NEUROD2: variants seen among roughly 807,000 people sequenced by gnomAD.
NEUROD2 encodes neurogenic differentiation factor 2.
In NEUROD2, 5 loss-of-function variants were observed where a neutral mutation model predicts 9.3. That is an observed-to-expected ratio of 0.54 (90% CI 0.28 to 1.13). The LOEUF is 1.13. Ranked by LOEUF, NEUROD2 falls within the 50% of genes most tolerant of loss-of-function variation. The pLI, the probability that NEUROD2 is intolerant of heterozygous loss-of-function variation, is 0.10. For missense variants in NEUROD2, 376 were observed against 549.2 expected (o/e 0.68, Z 3.15); for synonymous variants, 277 against 257.3 (o/e 1.08, Z -0.73).
rs1180933484 is a variant in NEUROD2, at chr17:39,604,105, C to T, written c.*1346G>A. The T allele has an allele frequency of 2.6e-5, 4 of 152,792 alleles. No individual in the cohort carries two copies. Among genetic ancestry groups the T allele is most frequent in the Non-Finnish European group, 5.9e-5 (4 of 68,114 alleles). 9.5% of individuals were successfully genotyped at this position (152,792 alleles called of 1,614,324 possible). A position where few individuals can be genotyped will look rare whatever the true frequency, so the allele number is the denominator to read the frequency against. On this transcript the variant is annotated 3_prime_UTR_variant, in exon 2 of 2. Coordinates refer to ENST00000302584, the MANE Select transcript of NEUROD2 (RefSeq NM_006160.4). ...GACCAAAAAATACTCTCTCCAGACACCGGAAATCGCCAGGTGGCACCCACC... is the reference window on the plus strand; with the variant it reads ...GACCAAAAAATACTCTCTCCAGACATCGGAAATCGCCAGGTGGCACCCACC...
At position 39,606,625 on chromosome 17, in the gene NEUROD2, G is replaced by A. The variant is rs1450850975; in HGVS notation, c.-5-21C>T. The A allele has an allele frequency of 6.5e-7, 1 of 1,526,866 alleles. No individual in the cohort carries two copies. Among genetic ancestry groups the A allele is most frequent in the East Asian group, 2.5e-5 (1 of 39,830 alleles). 94.6% of individuals were successfully genotyped at this position (1,526,866 alleles called of 1,614,324 possible). A position where few individuals can be genotyped will look rare whatever the true frequency, so the allele number is the denominator to read the frequency against. On this transcript the variant is annotated intron_variant, in intron 1 of 1. Transcript: ENST00000302584. This position sits in a 1 kb window ranked among gnomAD's most constrained non-coding sequence, Gnocchi z 7.8. The stretch of plus-strand genomic sequence containing the variant: ...GGTGCCTGAGGGCGCCCCGCGGGCG[G>A]GAAGGGGAGACAGACAGCACAAAGT...
chr17:39,607,704 CTCGCTCCCTT>C lies in NEUROD2; in HGVS notation c.-6+14_-6+23del, dbSNP rs2056775614. ...CCTCCTCCCAACCGGCGGGTCAGAT[CTCGCTCCCTT>C]TCGGACAACTTACCTCGGAGAGGAG... On this transcript the variant is annotated intron_variant, in intron 1 of 1. Coordinates refer to ENST00000302584, the MANE Select transcript of NEUROD2 (RefSeq NM_006160.4). 1.0e-6 allele frequency: 1 copy of C among 959,536 alleles called. No homozygotes were observed. Among genetic ancestry groups the C allele is most frequent in the African/African-American group, 1.8e-5 (1 of 56,588 alleles). The allele number at this position is 959,536 out of a possible 1,614,324, so 59.4% of individuals were successfully genotyped here. A position where few individuals can be genotyped will look rare whatever the true frequency, so the allele number is the denominator to read the frequency against.
At position 39,604,569 on chromosome 17, in the gene NEUROD2, G is replaced by C. The variant is rs2056758229; in HGVS notation, c.*882C>G. 1 of 151,946 alleles carries C rather than the reference G, an allele frequency of 6.6e-6. No individual in the cohort carries two copies. The highest frequency in any genetic ancestry group is 1.5e-5 in the Non-Finnish European group (1 of 67,954). The allele number at this position is 151,946 out of a possible 1,614,324, so 9.4% of individuals were successfully genotyped here. A position where few individuals can be genotyped will look rare whatever the true frequency, so the allele number is the denominator to read the frequency against. On this transcript the variant is annotated 3_prime_UTR_variant, in exon 2 of 2. Transcript: ENST00000302584. ...GGCCGGGCGGGGCATCCCGGGGCCG[G>C]GCCGGGCCGCGAGGCTCAGTGGAGC... is the stretch of plus-strand genomic sequence containing the variant.
At position 39,605,348 on chromosome 17, in the gene NEUROD2, G is replaced by A. The variant is rs903186815; in HGVS notation, c.*103C>T. ...CGGCAGGACCGGTGGCCCGCTCCCC[G>A]CGCCCGGCGCCGGGGTAGGATGGGG... is the stretch of plus-strand genomic sequence containing the variant. On this transcript the variant is annotated 3_prime_UTR_variant, in exon 2 of 2. Transcript: ENST00000302584. The surrounding 1 kb of genome is among the most constrained non-coding windows in gnomAD (Gnocchi z 6.8). The A allele has an allele frequency of 2.1e-6, 3 of 1,414,312 alleles. No homozygotes were observed. Among genetic ancestry groups the A allele is most frequent in the African/African-American group, 2.9e-5 (2 of 67,916 alleles). 87.6% of individuals were successfully genotyped at this position (1,414,312 alleles called of 1,614,324 possible).
In NEUROD2 at chr17:39,606,595, A is replaced by G. The variant is rs775692960; in HGVS notation, c.5T>C (p.Leu2Pro). 2 of 1,568,630 alleles carry G rather than the reference A, an allele frequency of 1.3e-6. No individual in the cohort carries two copies. The highest frequency in any genetic ancestry group is 1.1e-5 in the South Asian group (1 of 87,640). MLTRLFSEPGLL... is the reference protein window; with the variant it reads MPTRLFSEPGLL... The stretch of plus-strand genomic sequence containing the variant: ...GCCGGGCTCGCTGAACAGGCGGGTC[A>G]GCATGGTGCCTGAGGGCGCCCCGCG... Residue 2 changes from leucine (L) to proline (P), a missense_variant, in exon 2 of 2, where the codon CTG becomes CCG. Around this residue, in one of 3 missense-constraint regions of NEUROD2, gnomAD observed 134 missense variants for 133.6 expected, o/e 1.00. Coordinates refer to ENST00000302584, the MANE Select transcript of NEUROD2 (RefSeq NM_006160.4). The surrounding 1 kb of genome is among the most constrained non-coding windows in gnomAD (Gnocchi z 7.8).
rs2056761717 is a variant in NEUROD2, at chr17:39,605,077, C to T, written c.*374G>A. 1 of 176,334 alleles carries T rather than the reference C, an allele frequency of 5.7e-6. No individual in the cohort carries two copies. Among genetic ancestry groups the T allele is most frequent in the Non-Finnish European group, 1.2e-5 (1 of 84,576 alleles). The allele number at this position is 176,334 out of a possible 1,614,324, so 10.9% of individuals were successfully genotyped here. On this transcript the variant is annotated 3_prime_UTR_variant, in exon 2 of 2. Transcript: ENST00000302584. This position sits in a 1 kb window ranked among gnomAD's most constrained non-coding sequence, Gnocchi z 6.8. The stretch of plus-strand genomic sequence containing the variant: ...AGAGGGGGAAACGCGTTCCATTGCT[C>T]AGCTGCCCCCTTACCAACGCCTTGG...
chr17:39,605,954 G>T lies in NEUROD2; in HGVS notation c.646C>A (p.Leu216Ile). ...GCACCGTCGGCGCCTTGCTCCGTGA[G>T]GAAGTTGCGAGAGTTGAGCTGCAGA... is the stretch of plus-strand genomic sequence containing the variant. ...GCLQLNSRNF[L>I]TEQGADGAGR... Residue 216 changes from leucine (L) to isoleucine (I), a missense_variant, in exon 2 of 2, where the codon CTC (leucine) becomes ATC (isoleucine). Around this residue, in one of 3 missense-constraint regions of NEUROD2, gnomAD observed 193 missense variants for 255.8 expected, o/e 0.75. Transcript: ENST00000302584. The surrounding 1 kb of genome is among the most constrained non-coding windows in gnomAD (Gnocchi z 6.8). 2.5e-6 allele frequency: 4 copies of T among 1,613,246 alleles called. No individual in the cohort carries two copies. Among genetic ancestry groups the T allele is most frequent in the Non-Finnish European group, 3.4e-6 (4 of 1,179,938 alleles).
Position 39,606,489 on chromosome 17 carries a change from C to T in NEUROD2, c.111G>A (p.Pro37=), listed in dbSNP as rs750277493. ...DEPRSDKGDA[P]PPPPPAPGPG... is the part of the protein sequence containing the mutation. ...GCCCGGGCGCAGGCGGTGGCGGTGG[C>T]GGCGCGTCGCCCTTGTCGCTCCTCG... Residue 37 remains proline, a synonymous_variant, in exon 2 of 2, where the codon CCG becomes CCA. Coordinates refer to ENST00000302584, the MANE Select transcript of NEUROD2 (RefSeq NM_006160.4). This position sits in a 1 kb window ranked among gnomAD's most constrained non-coding sequence, Gnocchi z 7.8. 7.1e-6 allele frequency: 11 copies of T among 1,539,624 alleles called. No individual in the cohort carries two copies. The highest frequency in any genetic ancestry group is 2.8e-5 in the African/African-American group (2 of 72,536).
Position 39,605,209 on chromosome 17 carries a change from T to G in NEUROD2, c.*242A>C. The G allele has an allele frequency of 2.1e-5, 9 of 429,486 alleles. No individual in the cohort carries two copies. The highest frequency in any genetic ancestry group is 3.9e-5 in the East Asian group (1 of 25,792). 26.6% of individuals were successfully genotyped at this position (429,486 alleles called of 1,614,324 possible). ...GAGAGGTCCCTGGAGAAGCACTCCT[T>G]GGGAGAGAGGAGGAGGGAACCCCTT... On this transcript the variant is annotated 3_prime_UTR_variant, in exon 2 of 2. Coordinates refer to ENST00000302584, the MANE Select transcript of NEUROD2 (RefSeq NM_006160.4). This position sits in a 1 kb window ranked among gnomAD's most constrained non-coding sequence, Gnocchi z 6.8.
At position 39,606,775 on chromosome 17, in the gene NEUROD2, A is replaced by G. The variant is rs2056770873; in HGVS notation, c.-5-171T>C. 1.5e-6 allele frequency: 1 copy of G among 655,228 alleles called. No individual in the cohort carries two copies. The allele number at this position is 655,228 out of a possible 1,614,324, so 40.6% of individuals were successfully genotyped here. A position where few individuals can be genotyped will look rare whatever the true frequency, so the allele number is the denominator to read the frequency against. On this transcript the variant is annotated intron_variant, in intron 1 of 1. Transcript: ENST00000302584. This position sits in a 1 kb window ranked among gnomAD's most constrained non-coding sequence, Gnocchi z 7.8. ...CGCCTGCCCCGCCCAGAGCCGGCCC[A>G]GCCCTACCCGGCTGCCGGCCTGGGA...
Position 39,606,758 on chromosome 17 carries a change from C to T in NEUROD2, c.-5-154G>A. 2.6e-6 allele frequency: 2 copies of T among 771,608 alleles called. No individual in the cohort carries two copies. Among genetic ancestry groups the T allele is most frequent in the East Asian group, 3.3e-5 (1 of 30,732 alleles). The allele number at this position is 771,608 out of a possible 1,614,324, so 47.8% of individuals were successfully genotyped here. A position where few individuals can be genotyped will look rare whatever the true frequency, so the allele number is the denominator to read the frequency against. On this transcript the variant is annotated intron_variant, in intron 1 of 1. Transcript: ENST00000302584. This position sits in a 1 kb window ranked among gnomAD's most constrained non-coding sequence, Gnocchi z 7.8. ...TGGATGCCCACCTCCGCCGCCTGCCCCGCCCAGAGCCGGCCCAGCCCTACC... is the reference window on the plus strand; with the variant it reads ...TGGATGCCCACCTCCGCCGCCTGCCTCGCCCAGAGCCGGCCCAGCCCTACC...
At chr17:39,607,542 ACCT>A (rs2056774821) in intron 1 of NEUROD2, 183 bp downstream of exon 1, 14 of 906,710 alleles carry the variant, frequency 1.5e-5, no homozygotes, top group African/African-American at 1.8e-5. Flanking sequence ...AGGCAGAGAC[ACCT>A]CCTCTGCAGC....
Position 39,605,842 on chromosome 17 carries a change from G to A in NEUROD2, c.758C>T (p.Ala253Val), listed in dbSNP as rs770550795. The change falls in exon 2 of 2, where the codon GCG (alanine) becomes GTG (valine). Residue 253 changes from alanine to valine, a missense_variant. Transcript: ENST00000302584. The surrounding 1 kb of genome is among the most constrained non-coding windows in gnomAD (Gnocchi z 6.8). ...CSRLAGAQCQAAGGLGGGAAH... is the reference protein window; with the variant it reads ...CSRLAGAQCQVAGGLGGGAAH... ...CGCGCCGCCGCCCAGGCCGCCGGCC[G>A]CCTGGCACTGTGCGCCCGCCAGGCG... 10 of 1,460,520 alleles carry A rather than the reference G, an allele frequency of 6.8e-6. No individual in the cohort carries two copies. The highest frequency in any genetic ancestry group is 2.7e-5 in the Admixed American group (1 of 37,252). The allele number at this position is 1,460,520 out of a possible 1,614,324, so 90.5% of individuals were successfully genotyped here.
Position 39,605,718 on chromosome 17 carries a change from C to T in NEUROD2, c.882G>A (p.Glu294=), listed in dbSNP as rs2056765052. The T allele has an allele frequency of 9.4e-6, 15 of 1,598,266 alleles. No homozygotes were observed. Among genetic ancestry groups the T allele is most frequent in the Non-Finnish European group, 1.3e-5 (15 of 1,173,072 alleles). The change falls in exon 2 of 2, where the codon GAG becomes GAA. Residue 294 remains glutamate, a synonymous_variant. Transcript: ENST00000302584. The surrounding 1 kb of genome is among the most constrained non-coding windows in gnomAD (Gnocchi z 6.8). ...GCGGGGGGCTGAGCGGGCCCTCGTA[C>T]TCGGAGCTGTTGTAGTCCGGGCTCG... ...GGASPDYNSS[E]YEGPLSPPLC...
In NEUROD2 at chr17:39,606,696, C is replaced by G; in HGVS notation, c.-5-92G>C. ...GACGCCCCCCCACAACCCTCCTCCACCCCCGAGTCTCGTGCGGGCTCCTGC... is the reference window on the plus strand; with the variant it reads ...GACGCCCCCCCACAACCCTCCTCCAGCCCCGAGTCTCGTGCGGGCTCCTGC... On this transcript the variant is annotated intron_variant, in intron 1 of 1. Transcript: ENST00000302584. The surrounding 1 kb of genome is among the most constrained non-coding windows in gnomAD (Gnocchi z 7.8). The G allele has an allele frequency of 4.6e-6, 6 of 1,308,102 alleles. No individual in the cohort carries two copies. The highest frequency in any genetic ancestry group is 6.0e-6 in the Non-Finnish European group (6 of 995,384). 81.0% of individuals were successfully genotyped at this position (1,308,102 alleles called of 1,614,324 possible).
rs760555469 is a variant in NEUROD2, at chr17:39,606,630, G to C, written c.-5-26C>G. The C allele has an allele frequency of 6.6e-7, 1 of 1,523,240 alleles. No individual in the cohort carries two copies. The highest frequency in any genetic ancestry group is 1.2e-5 in the South Asian group (1 of 82,214). 94.4% of individuals were successfully genotyped at this position (1,523,240 alleles called of 1,614,324 possible). On this transcript the variant is annotated intron_variant, in intron 1 of 1. Transcript: ENST00000302584. This position sits in a 1 kb window ranked among gnomAD's most constrained non-coding sequence, Gnocchi z 7.8. The stretch of plus-strand genomic sequence containing the variant: ...CTGAGGGCGCCCCGCGGGCGGGAAG[G>C]GGAGACAGACAGCACAAAGTGAGGG...
chr17:39,606,555 C>A lies in NEUROD2; in HGVS notation c.45G>T (p.Val15=). 1 of 1,584,652 alleles carries A rather than the reference C, an allele frequency of 6.3e-7. No individual in the cohort carries two copies. Among genetic ancestry groups the A allele is most frequent in the Non-Finnish European group, 8.5e-7 (1 of 1,175,106 alleles). Residue 15 remains valine (V), a synonymous_variant, in exon 2 of 2, where the codon GTG becomes GTT. Coordinates refer to ENST00000302584, the MANE Select transcript of NEUROD2 (RefSeq NM_006160.4). This position sits in a 1 kb window ranked among gnomAD's most constrained non-coding sequence, Gnocchi z 7.8. ...CGTCGCCCCAGCTGGCGAACTTGGG[C>A]ACGTCCGAGAGAAGGCCGGGCTCGC... ...LFSEPGLLSD[V]PKFASWGDGE...
rs762086804 is a variant in NEUROD2, at chr17:39,605,879, A to G, written c.721T>C (p.Tyr241His). The stretch of plus-strand genomic sequence containing the variant: ...GCGCCCGCCAGGCGCGAGCACGGGT[A>G]CGGGTAGGGGTGCATGGCGAACGGG... The part of the protein sequence containing the change: ...GGPFAMHPYP[Y>H]PCSRLAGAQC... Residue 241 changes from tyrosine to histidine, a missense_variant, in exon 2 of 2, where the codon TAC becomes CAC. Physicochemically the swap from Tyr to His is moderately conservative, Grantham distance 83 (BLOSUM62 2). This residue lies in a region of NEUROD2 where 193 missense variants were observed against 255.8 expected (regional missense o/e 0.75). Transcript: ENST00000302584. This position sits in a 1 kb window ranked among gnomAD's most constrained non-coding sequence, Gnocchi z 6.8. 6 of 1,576,288 alleles carry G rather than the reference A, an allele frequency of 3.8e-6. No homozygotes were observed. Among genetic ancestry groups the G allele is most frequent in the South Asian group, 3.4e-5 (3 of 87,090 alleles).
At position 39,606,375 on chromosome 17, in the gene NEUROD2, C is replaced by T. The variant is rs750175863; in HGVS notation, c.225G>A (p.Glu75=). The T allele has an allele frequency of 2.6e-6, 4 of 1,561,278 alleles. No individual in the cohort carries two copies. The highest frequency in any genetic ancestry group is 3.5e-6 in the Non-Finnish European group (4 of 1,155,716). The change falls in exon 2 of 2, where the codon GAG becomes GAA. Residue 75 remains glutamate, a synonymous_variant. Transcript: ENST00000302584. This position sits in a 1 kb window ranked among gnomAD's most constrained non-coding sequence, Gnocchi z 7.8. The part of the protein sequence containing the change: ...GTEATLAEVK[E]EGELGGEEEE... ...CCTCCTCTCCCCCCAGCTCGCCTTC[C>T]TCCTTGACCTCGGCCAACGTGGCCT...
Sources: gnomAD v4.1 joint callset for allele counts on GRCh38, gnomAD v4.1.1 for gene constraint, gnomAD v4.1.1 regional missense constraint, Gnocchi (gnomAD v3.1) non-coding constraint, MANE v1.5 for transcripts, NCBI Gene and HGNC (gene_info 2026-07-23, HGNC 2026-07-21) for gene names.